PCDHA4: variants seen among roughly 807,000 people sequenced by gnomAD.
PCDHA4 encodes protocadherin alpha-4.
PCDHA4 carries 49 observed loss-of-function variants against 61.4 expected under a neutral mutation model. The observed-to-expected ratio is 0.80, with a 90% CI of 0.63 to 1.01. PCDHA4 has a LOEUF of 1.01. PCDHA4 is among the 50% of genes least tolerant of loss of function. PCDHA4 has a pLI of 0.00. For synonymous variants in PCDHA4, 590 were observed against 550.3 expected, an observed-to-expected ratio of 1.07 and a Z score of -1.01; for missense variants, 1,254 against 1,235.8, an observed-to-expected ratio of 1.01 and a Z score of -0.22.
chr5:140,933,937 T>A (rs1369497002), intron 1 of PCDHA4, among the ~76,000 whole-genome samples: 1 of 152,082 alleles, frequency 6.6e-6, no homozygotes. Context: ...GTGACTTTTT[T>A]TCACATCTGC....
chr5:140,929,414 A>C, intron 1 of PCDHA4: 1 of 1,504,422 alleles, frequency 6.6e-7, no homozygotes. Flanking sequence ...GCCTTTCACA[A>C]CATTTCATCA....
chr5:140,861,263 C>T (rs1441824689), intron 1 of PCDHA4: 2 of 174,012 alleles, frequency 1.1e-5, no homozygotes, highest in African/African-American at 4.8e-5. Context: ...ATCCCGGAGC[C>T]TACAGCACTG....
chr5:140,958,775 A>C (rs1179723793), intron 1 of PCDHA4, among the ~76,000 whole-genome samples: 1 of 152,170 alleles, frequency 6.6e-6, no homozygotes, highest in African/African-American at 2.4e-5. Flanking sequence ...GTTTGAAATC[A>C]ACTTTCTATT....
rs2150129029 is a variant in PCDHA4, at chr5:140,823,775, C to T, written c.2385+14203C>T. On this transcript the variant is annotated intron_variant, in intron 1 of 3. Coordinates refer to ENST00000530339, the MANE Select transcript of PCDHA4 (RefSeq NM_018907.4). Reference sequence around the variant, plus strand: ...ACAGCCACAGCCACAGTGCTGGTGTCGCTGGTGGAAAGTGGCCAGGCGCCG... The same window carrying T: ...ACAGCCACAGCCACAGTGCTGGTGTTGCTGGTGGAAAGTGGCCAGGCGCCG... 5 of 1,613,850 alleles carry T rather than the reference C, an allele frequency of 3.1e-6. No homozygotes were observed. The South Asian group carries it at 5.5e-5, about 18-fold the overall frequency.
At chr5:140,851,638 T>G in intron 1 of PCDHA4, 1 of 915,858 alleles carries the variant, frequency 1.1e-6, no homozygotes, top group Non-Finnish European at 1.3e-6. Context: ...AAGTGTTTCC[T>G]TTCTTCAAGA....
chr5:140,869,757 A>G, intron 1 of PCDHA4: 3 of 1,613,264 alleles, frequency 1.9e-6, no homozygotes, highest in Non-Finnish European at 2.5e-6. Flanking sequence ...CAGACGGGGG[A>G]AAACCAGAGC....
At chr5:140,865,982 C>T (rs2049081742) in intron 1 of PCDHA4, 1 of 152,078 alleles carries the variant, frequency 6.6e-6, no homozygotes, top group South Asian at 2.1e-4. Flanking sequence ...ATTGAGATGG[C>T]ACTAAGTTTT....
At chr5:140,875,958 C>A in intron 1 of PCDHA4, 1 of 1,614,080 alleles carries the variant, frequency 6.2e-7, no homozygotes, top group Middle Eastern at 1.6e-4. Context: ...ATGCGGATAT[C>A]GGCGTAAACT....
chr5:140,824,904 GT>G (rs1353981890), intron 1 of PCDHA4: 6 of 152,018 alleles, frequency 3.9e-5, no homozygotes, highest in Non-Finnish European at 7.4e-5. Flanking sequence ...TGCCTAAGCA[GT>G]TCACCTGTAT....
At chr5:140,854,722 C>G (rs78325333) in intron 1 of PCDHA4, 1 of 149,404 alleles carries the variant, frequency 6.7e-6, no homozygotes, top group African/African-American at 2.5e-5. Flanking sequence ...ACAGAAAACT[C>G]AAGTTTTTTT....
intron 3 of PCDHA4, among the ~76,000 whole-genome samples, chr5:140,984,164 A>T (rs1471799520): frequency 6.6e-6 from 1 of 152,208 alleles, no homozygotes; most frequent in African/African-American, 2.4e-5. Flanking sequence ...GAACTTCCCA[A>T]AGAAGCCACG....
chr5:140,927,484 A>G (rs1554204601), intron 1 of PCDHA4: 2 of 1,613,906 alleles, frequency 1.2e-6, no homozygotes, highest in East Asian at 2.2e-5. Flanking sequence ...ACAGCGCGCC[A>G]CCCACCTGCT....
chr5:140,974,057 G>A (rs1302269611), intron 1 of PCDHA4, among the ~76,000 whole-genome samples: 1 of 152,154 alleles, frequency 6.6e-6, no homozygotes, highest in Non-Finnish European at 1.5e-5. Flanking sequence ...ATAATATTTG[G>A]AGCAGTATAA....
At chr5:140,929,678 T>C in intron 1 of PCDHA4, 1 of 305,066 alleles carries the variant, frequency 3.3e-6, no homozygotes, top group East Asian at 5.8e-5. Flanking sequence ...ATGAAAAATA[T>C]GTAAGAGTCT....
At chr5:140,857,661 A>ACTC (rs1554150470) in intron 1 of PCDHA4, 1 of 1,596,582 alleles carries the variant, frequency 6.3e-7, no homozygotes. Flanking sequence ...AGCGCGCGCG[A>ACTC]TGGGGGCGTG....
chr5:141,003,240 C>T (rs1563674729), intron 3 of PCDHA4, among the ~76,000 whole-genome samples: 2 of 152,150 alleles, frequency 1.3e-5, no homozygotes, highest in South Asian at 4.1e-4. Context: ...GAAATTTTGC[C>T]AAAAAGATTC....
At chr5:140,868,202 A>C (rs1401388364) in intron 1 of PCDHA4, 1 of 152,188 alleles carries the variant, frequency 6.6e-6, no homozygotes, top group Non-Finnish European at 1.5e-5. Flanking sequence ...GGCTTACATT[A>C]GAAATAATAT....
At chr5:140,851,471 A>G in intron 1 of PCDHA4, 5 of 893,550 alleles carry the variant, frequency 5.6e-6, no homozygotes, top group Non-Finnish European at 6.8e-6. Context: ...ATGTCAATAA[A>G]TGTTATAAAC....
At chr5:140,819,395 A>G (rs1203569047) in intron 1 of PCDHA4, among the ~76,000 whole-genome samples, 1 of 152,136 alleles carries the variant, frequency 6.6e-6, no homozygotes, top group Non-Finnish European at 1.5e-5. Flanking sequence ...GCTTTTAGTG[A>G]ATTAAATGGA....
Sources: gnomAD v4.1 joint callset for allele counts (sites outside exome capture counted in the v4.1 genomes callset) on GRCh38, gnomAD v4.1.1 for gene constraint, MANE v1.5 for transcripts, NCBI Gene and HGNC (gene_info 2026-07-23, HGNC 2026-07-21) for gene names.